SORL1: variants seen among roughly 807,000 people sequenced by gnomAD.
SORL1 encodes the protein sortilin related receptor 1.
SORL1 carries 127 observed loss-of-function variants against 273.7 expected under a neutral mutation model. The ratio of observed to expected loss-of-function variants is 0.46; its 90% CI spans 0.40 to 0.54. The LOEUF is 0.54. SORL1 is among the 20% of genes least tolerant of loss of function. The probability of loss-of-function intolerance (pLI) is 0.00; values close to 1 mark genes in which losing one functional copy is unlikely to be tolerated. For synonymous variants in SORL1, 1,031 were observed against 1,067.4 expected (o/e 0.97, Z 0.66); for missense variants, 2,494 against 2,846.1 (o/e 0.88, Z 2.81).
At position 121,612,831 on chromosome 11, in the gene SORL1, A is replaced by T. The variant is rs777960861; in HGVS notation, c.5418A>T (p.Lys1806Asn). 10 of 1,609,002 alleles carry T rather than the reference A, an allele frequency of 6.2e-6. No homozygotes were observed. Among genetic ancestry groups the T allele is most frequent in the Non-Finnish European group, 7.7e-6 (9 of 1,175,502 alleles). ...TCCGAGGAAGCATATTGTCACACAA[A>T]GGTAACACTTTGGTGCTGGTCAGTG... ...LNFRGSILSH[K>N]VGNLTAHTSY... The change falls in exon 40 of 48, where the codon AAA becomes AAT. Residue 1806 changes from lysine to asparagine, a missense_variant and splice_region_variant. This residue lies in a region of SORL1 where 1,609 missense variants were observed against 1,816.4 expected (regional missense o/e 0.89). Coordinates refer to ENST00000260197, the MANE Select transcript of SORL1 (RefSeq NM_003105.6).
intron 3 of SORL1, among the ~76,000 whole-genome samples, chr11:121,485,076 G>A (rs192509175): frequency 3.3e-5 from 5 of 152,302 alleles, no homozygotes; most frequent in Admixed American, 6.5e-5. Context: ...CTTAAGGGCG[G>A]TGGTTGAAGC....
chr11:121,504,691 T>C (rs538009878), intron 6 of SORL1, among the ~76,000 whole-genome samples: 46 of 152,230 alleles, frequency 3.0e-4, no homozygotes, highest in Middle Eastern at 3.4e-3. Flanking sequence ...TTTATTTATT[T>C]TTTTGCCCAA....
At chr11:121,607,097 C>A in intron 36 of SORL1, 89 bp from the exon 37 acceptor site, 1 of 1,039,820 alleles carries the variant, frequency 9.6e-7, no homozygotes, top group Non-Finnish European at 1.5e-6. Context: ...TCCTCACCAT[C>A]TTTTCTCTCC....
At chr11:121,606,124 T>C (rs1249121678) in intron 35 of SORL1, among the ~76,000 whole-genome samples, 7 of 152,176 alleles carry the variant, frequency 4.6e-5, no homozygotes, top group Non-Finnish European at 1.0e-4. Flanking sequence ...GGTTTTGCCG[T>C]GTTACCTAGG....
intron 3 of SORL1, among the ~76,000 whole-genome samples, chr11:121,481,595 G>A (rs1378724257): frequency 4.4e-5 from 4 of 91,860 alleles, no homozygotes; most frequent in Admixed American, 2.2e-4. Context: ...CTCCCCTAGT[G>A]CACAGATACC....
At position 121,631,606 on chromosome 11, in the gene SORL1, T is replaced by C. The variant is rs1012689617; in HGVS notation, c.*2043T>C. The C allele has an allele frequency of 5.9e-5, 9 of 152,228 alleles. No homozygotes were observed. The highest frequency in any genetic ancestry group is 2.2e-4 in the African/African-American group (9 of 41,446). 9.4% of individuals were successfully genotyped at this position (152,228 alleles called of 1,614,324 possible). A position where few individuals can be genotyped will look rare whatever the true frequency, so the allele number is the denominator to read the frequency against. On this transcript the variant is annotated 3_prime_UTR_variant, in exon 48 of 48. Transcript: ENST00000260197. ...AGCTGATATAAAAGGCTCTGAGATGTTATTTTCAGTTATTCCATAGGCAAG... is the reference window on the plus strand; with the variant it reads ...AGCTGATATAAAAGGCTCTGAGATGCTATTTTCAGTTATTCCATAGGCAAG...
At chr11:121,543,810 T>C (rs764781873) in intron 13 of SORL1, 84 bp downstream of exon 13, 2 of 1,274,664 alleles carry the variant, frequency 1.6e-6, no homozygotes. Flanking sequence ...AGATACTGTG[T>C]ACTCAGAAGA....
At chr11:121,512,078 T>C (rs1443454722) in intron 6 of SORL1, among the ~76,000 whole-genome samples, 1 of 152,208 alleles carries the variant, frequency 6.6e-6, no homozygotes, top group African/African-American at 2.4e-5. Flanking sequence ...CACACAGAGT[T>C]TTTATAATAG....
chr11:121,548,897 A>G lies in SORL1; in HGVS notation c.2052-1063A>G, dbSNP rs367713553. Among the ~76,000 whole-genome samples the G allele has an allele frequency of 5.3e-5, 8 of 152,340 alleles. No individual in the cohort carries two copies. In the East Asian group the frequency reaches 1.3e-3, roughly 26 times the overall value. ...ATTTGTTGAATTGAATAGAGCAAAT[A>G]AATGTGTTCTGGTAGAGCACATGAA... On this transcript the variant is annotated intron_variant, in intron 14 of 47. Coordinates refer to ENST00000260197, the MANE Select transcript of SORL1 (RefSeq NM_003105.6).
intron 24 of SORL1, among the ~76,000 whole-genome samples, chr11:121,575,463 CG>C (rs1303148230): frequency 6.6e-6 from 1 of 152,242 alleles, no homozygotes; most frequent in African/African-American, 2.4e-5. Flanking sequence ...TCCCTGTCCA[CG>C]GGGGGCAGGT....
At chr11:121,583,893 A>G (rs1297911153) in intron 26 of SORL1, among the ~76,000 whole-genome samples, 1 of 152,232 alleles carries the variant, frequency 6.6e-6, no homozygotes, top group Non-Finnish European at 1.5e-5. Flanking sequence ...TCCTTTTGCC[A>G]AACATTCCAA....
intron 31 of SORL1, among the ~76,000 whole-genome samples, chr11:121,591,639 C>T (rs1490725485): frequency 1.3e-5 from 2 of 152,184 alleles, no homozygotes; most frequent in Non-Finnish European, 2.9e-5. Context: ...GGTCTGTAGT[C>T]ACCATATTGT....
chr11:121,622,117 A>T lies in SORL1; in HGVS notation c.6065-45A>T, dbSNP rs779569100. On this transcript the variant is annotated intron_variant, in intron 44 of 47. Coordinates refer to ENST00000260197, the MANE Select transcript of SORL1 (RefSeq NM_003105.6). ...TGATAGACAAGAAAATAGAGTTTCA[A>T]ATGTATATCCACTAACCGCATCCCA... is the stretch of plus-strand genomic sequence containing the variant. 8 of 1,048,654 alleles carry T rather than the reference A, an allele frequency of 7.6e-6. No homozygotes were observed. In the South Asian group the frequency reaches 9.1e-5, roughly 12 times the overall value. 65.0% of individuals were successfully genotyped at this position (1,048,654 alleles called of 1,614,324 possible). A position where few individuals can be genotyped will look rare whatever the true frequency, so the allele number is the denominator to read the frequency against.
chr11:121,595,792 T>A lies in SORL1; in HGVS notation c.4519+20T>A. Reference sequence around the variant, plus strand: ...ATTGCCGTGAGTAGTCAGAGAGCCCTTCACCCCCTGGGCACGTTTCTGCAG... The same window carrying A: ...ATTGCCGTGAGTAGTCAGAGAGCCCATCACCCCCTGGGCACGTTTCTGCAG... On this transcript the variant is annotated intron_variant, in intron 32 of 47. Transcript: ENST00000260197. The surrounding 1 kb of genome is among the most constrained non-coding windows in gnomAD (Gnocchi z 5.1). The A allele has an allele frequency of 6.2e-7, 1 of 1,608,480 alleles. No individual in the cohort carries two copies.
At chr11:121,533,946 C>G (rs751223876) in intron 12 of SORL1, among the ~76,000 whole-genome samples, 1 of 152,210 alleles carries the variant, frequency 6.6e-6, no homozygotes, top group Non-Finnish European at 1.5e-5. Flanking sequence ...GCTCAGACAA[C>G]GACCATCACA....
chr11:121,621,252 A>T lies in SORL1; in HGVS notation c.6064+14A>T. On this transcript the variant is annotated intron_variant, in intron 44 of 47. Coordinates refer to ENST00000260197, the MANE Select transcript of SORL1 (RefSeq NM_003105.6). ...AAATTACCACAGGTAAGCAGGAGAGAGGTTAGAGGTCTTCTCACACAGCCT... is the reference window on the plus strand; with the variant it reads ...AAATTACCACAGGTAAGCAGGAGAGTGGTTAGAGGTCTTCTCACACAGCCT... The T allele has an allele frequency of 6.2e-7, 1 of 1,611,038 alleles. No individual in the cohort carries two copies. Among genetic ancestry groups the T allele is most frequent in the Non-Finnish European group, 8.5e-7 (1 of 1,178,138 alleles).
intron 1 of SORL1, among the ~76,000 whole-genome samples, chr11:121,464,904 G>A (rs1229666876): frequency 6.6e-6 from 1 of 152,146 alleles, no homozygotes; most frequent in Non-Finnish European, 1.5e-5. Context: ...GGTAGCATGA[G>A]GGCTTGAGAT....
At chr11:121,519,810 G>T (rs1011910113) in intron 8 of SORL1, among the ~76,000 whole-genome samples, 1 of 152,142 alleles carries the variant, frequency 6.6e-6, no homozygotes, top group Non-Finnish European at 1.5e-5. Context: ...GGAGGATTTG[G>T]AGTCAATTTC....
Position 121,559,581 on chromosome 11 carries a change from G to T in SORL1, c.2973G>T (p.Gly991=). 6.2e-7 allele frequency: 1 copy of T among 1,614,096 alleles called. No homozygotes were observed. Among genetic ancestry groups the T allele is most frequent in the Non-Finnish European group, 8.5e-7 (1 of 1,179,944 alleles). Residue 991 remains glycine (G), a synonymous_variant, in exon 21 of 48, where the codon GGG becomes GGT. Transcript: ENST00000260197. ...LSIFRASKYS[G]SQMEILANQL... The stretch of plus-strand genomic sequence containing the variant: ...TATTCCGAGCTTCCAAATACAGTGG[G>T]TCCCAGATGGAGATTCTGGCAAACC...
Sources: allele counts gnomAD v4.1 joint callset (sites outside exome capture counted in the v4.1 genomes callset), GRCh38; gene constraint gnomAD v4.1.1; regional missense constraint gnomAD v4.1.1; non-coding constraint Gnocchi (gnomAD v3.1); transcripts MANE v1.5; gene names NCBI Gene and HGNC (gene_info 2026-07-23, HGNC 2026-07-21).